DIP2B: variants seen among roughly 807,000 people sequenced by gnomAD.
The protein encoded by DIP2B is DIP2 acetate--CoA ligase B (putative).
A neutral mutation model predicts 198.0 loss-of-function variants in DIP2B; 76 were observed. That is an observed-to-expected ratio of 0.38 (90% CI 0.32 to 0.46). The LOEUF is 0.46. Among genes scored for constraint, DIP2B ranks in the 20% least tolerant of loss-of-function variants. The pLI is 0.99. For missense variants in DIP2B, 1,559 were observed against 1,978.4 expected (o/e 0.79, Z 4.02); for synonymous variants, 701 against 739.1 (o/e 0.95, Z 0.84).
chr12:50,698,364 C>A lies in DIP2B; in HGVS notation c.2085C>A (p.Ala695=). The A allele has an allele frequency of 6.2e-7, 1 of 1,613,612 alleles. No individual in the cohort carries two copies. The highest frequency in any genetic ancestry group is 8.5e-7 in the Non-Finnish European group (1 of 1,179,750). ...CAGGAGCCCCTTTGCCAGGAAGAGCCATTCTCTCAATGAATGGATTGAGCT... is the reference window on the plus strand; with the variant it reads ...CAGGAGCCCCTTTGCCAGGAAGAGCAATTCTCTCAATGAATGGATTGAGCT... ...GVPGAPLPGR[A]ILSMNGLSYG... The change falls in exon 18 of 38, where the codon GCC becomes GCA. Residue 695 remains alanine (A), a synonymous_variant. Coordinates refer to ENST00000301180, the MANE Select transcript of DIP2B (RefSeq NM_173602.3).
chr12:50,600,922 CA>C (rs1958929996), intron 1 of DIP2B, among the ~76,000 whole-genome samples: 2 of 148,968 alleles, frequency 1.3e-5, no homozygotes, highest in South Asian at 2.1e-4. Flanking sequence ...CCACCACCAC[CA>C]CCACCACCAC....
At chr12:50,539,618 C>CAAAAAA (rs59642964) in intron 1 of DIP2B, among the ~76,000 whole-genome samples, 1 of 132,918 alleles carries the variant, frequency 7.5e-6, no homozygotes, top group Non-Finnish European at 1.6e-5. Context: ...TACTCTGTCT[C>CAAAAAA]AAAAAAAAAA....
chr12:50,590,750 C>CT (rs1168278639), intron 1 of DIP2B, among the ~76,000 whole-genome samples: 1 of 152,140 alleles, frequency 6.6e-6, no homozygotes, highest in Non-Finnish European at 1.5e-5. Context: ...TGTTTAAAAA[C>CT]AAACAAGAAT....
At chr12:50,556,197 C>A (rs1441693972) in intron 1 of DIP2B, among the ~76,000 whole-genome samples, 1 of 151,642 alleles carries the variant, frequency 6.6e-6, no homozygotes, top group African/African-American at 2.4e-5. Context: ...TTACAGGTGC[C>A]TGCCACCACA....
At chr12:50,727,426 C>T (rs1006510276) in intron 28 of DIP2B, among the ~76,000 whole-genome samples, 2 of 152,212 alleles carry the variant, frequency 1.3e-5, no homozygotes, top group Admixed American at 6.5e-5. Flanking sequence ...GGCATTTGAA[C>T]AGCAGTCTGC....
intron 1 of DIP2B, among the ~76,000 whole-genome samples, chr12:50,605,088 T>A (rs1227579383): frequency 6.6e-6 from 1 of 152,230 alleles, no homozygotes; most frequent in African/African-American, 2.4e-5. Context: ...GTTTTCTAGA[T>A]GACAGTGTCT....
In DIP2B at chr12:50,680,654, T is replaced by A. The variant is rs371599442; in HGVS notation, c.1115-18T>A. The stretch of plus-strand genomic sequence containing the variant: ...TTTTTTTCTATATGACTGTTGTTTT[T>A]TTTTCCTTTTTTTCCAGGAAAGTTG... On this transcript the variant is annotated intron_variant, in intron 8 of 37. Transcript: ENST00000301180. The A allele has an allele frequency of 6.2e-7, 1 of 1,607,408 alleles. No homozygotes were observed. Among genetic ancestry groups the A allele is most frequent in the East Asian group, 2.2e-5 (1 of 44,820 alleles).
At chr12:50,661,989 A>G (rs1032501479) in intron 4 of DIP2B, among the ~76,000 whole-genome samples, 3 of 152,144 alleles carry the variant, frequency 2.0e-5, no homozygotes, top group Non-Finnish European at 2.9e-5. Context: ...GAATTCACGA[A>G]CTCTAGAAAC....
At position 50,505,022 on chromosome 12, in the gene DIP2B, C is replaced by CGGCGGCGGCGGT. The variant is rs1274636642; in HGVS notation, c.-117_-116insCGGCGGCGGTGG. ...CTCATGGCGGCGGCGGCGGCGGCGG[C>CGGCGGCGGCGGT]GGTGCTGGTGGTGCTCGGCGGCCGG... On this transcript the variant is annotated 5_prime_UTR_variant, in exon 1 of 38. Transcript: ENST00000301180. 7 of 1,001,262 alleles carry CGGCGGCGGCGGT rather than the reference C, an allele frequency of 7.0e-6. No homozygotes were observed. The highest frequency in any genetic ancestry group is 1.0e-5 in the Non-Finnish European group (7 of 692,106). The allele number at this position is 1,001,262 out of a possible 1,614,324, so 62.0% of individuals were successfully genotyped here. A position where few individuals can be genotyped will look rare whatever the true frequency, so the allele number is the denominator to read the frequency against.
At chr12:50,633,064 C>T (rs996251976) in intron 2 of DIP2B, among the ~76,000 whole-genome samples, 1 of 152,066 alleles carries the variant, frequency 6.6e-6, no homozygotes, top group African/African-American at 2.4e-5. Context: ...CAGGTGTGAG[C>T]CACCTCTCCC....
chr12:50,683,643 C>T (rs1437672281), intron 10 of DIP2B, among the ~76,000 whole-genome samples: 4 of 151,764 alleles, frequency 2.6e-5, no homozygotes, highest in Admixed American at 6.6e-5. Flanking sequence ...ATTAGTTGGG[C>T]GTGGTGGCGG....
At chr12:50,693,115 ATCCCCAAAAGG>A (rs1295788207) in intron 14 of DIP2B, 102 bp downstream of exon 14, 15 of 1,173,162 alleles carry the variant, frequency 1.3e-5, no homozygotes, top group Non-Finnish European at 2.4e-6. Flanking sequence ...TGAAATTTAA[ATCCCCAAAAGG>A]TCAGTAATAT....
intron 1 of DIP2B, among the ~76,000 whole-genome samples, chr12:50,574,350 G>A (rs768657344): frequency 6.6e-6 from 1 of 152,112 alleles, no homozygotes; most frequent in African/African-American, 2.4e-5. Context: ...AGCAGATGAG[G>A]GCCATAATAT....
intron 8 of DIP2B, 60 bp downstream of exon 8, chr12:50,678,936 G>A (rs763653752): frequency 1.3e-6 from 2 of 1,585,464 alleles, no homozygotes; most frequent in African/African-American, 1.3e-5. Context: ...ATCATGGGTA[G>A]TGTTTTTATC....
intron 5 of DIP2B, 101 bp downstream of exon 5, chr12:50,671,499 T>A: frequency 8.7e-7 from 1 of 1,144,286 alleles, no homozygotes; most frequent in Non-Finnish European, 1.2e-6. Flanking sequence ...CAGTATGGCC[T>A]AAAAAAAAGA....
chr12:50,718,793 T>C lies in DIP2B; in HGVS notation c.2936T>C (p.Ile979Thr), dbSNP rs775885178. Residue 979 changes from isoleucine (I) to threonine (T), a missense_variant, in exon 24 of 38, where the codon ATA (isoleucine) becomes ACA (threonine). Ile to Thr is a moderately conservative substitution (Grantham distance 89, BLOSUM62 -1). Transcript: ENST00000301180. ...AQAAGRDLGQ[I>T]EENDLVRKHQ... is the part of the protein sequence containing the mutation. ...GCTGCTGGAAGGGATCTGGGACAAA[T>C]AGAAGAGAATGATTTGGTGAGGAAG... 2 of 1,614,180 alleles carry C rather than the reference T, an allele frequency of 1.2e-6. No individual in the cohort carries two copies. Among genetic ancestry groups the C allele is most frequent in the Non-Finnish European group, 1.7e-6 (2 of 1,180,024 alleles).
In DIP2B at chr12:50,527,651, A is replaced by T. The variant is rs148932653; in HGVS notation, c.100+22411A>T. ...TCATCTGCTTTGGAGTTGAGGCTGCAGTGAACTATGATCGTGCCACTACAC... is the reference window on the plus strand; with the variant it reads ...TCATCTGCTTTGGAGTTGAGGCTGCTGTGAACTATGATCGTGCCACTACAC... On this transcript the variant is annotated intron_variant, in intron 1 of 37. Transcript: ENST00000301180. 5.6e-3 allele frequency among the ~76,000 whole-genome samples: 850 copies of T among 152,326 alleles called. 4 individuals carry two copies. Among genetic ancestry groups the T allele is most frequent in the Non-Finnish European group, 7.8e-3 (530 of 68,022 alleles).
intron 3 of DIP2B, chr12:50,655,125 A>C (rs933477938): frequency 5.1e-6 from 2 of 393,026 alleles, no homozygotes; most frequent in East Asian, 1.4e-4. Flanking sequence ...AAACATCTAC[A>C]TGCCCAGACA....
chr12:50,699,247 A>G (rs1939373613), intron 19 of DIP2B, 45 bp downstream of exon 19: 6 of 1,611,066 alleles, frequency 3.7e-6, no homozygotes, highest in Non-Finnish European at 5.1e-6. Context: ...TGGGGATTTC[A>G]GGATGTTACG....
Sources: allele counts gnomAD v4.1 joint callset (sites outside exome capture counted in the v4.1 genomes callset), GRCh38; gene constraint gnomAD v4.1.1; transcripts MANE v1.5; gene names NCBI Gene and HGNC (gene_info 2026-07-23, HGNC 2026-07-21).